The following KCNH8 variants were observed in gnomAD, a reference collection of about 807,000 sequenced individuals.
KCNH8 encodes the protein voltage-gated delayed rectifier potassium channel KCNH8.
KCNH8 carries 70 observed loss-of-function variants against 103.6 expected under a neutral mutation model. The observed-to-expected ratio is 0.68, with a 90% CI of 0.56 to 0.82. The LOEUF (loss-of-function observed/expected upper bound fraction) is 0.82, where lower values mean the gene tolerates loss of function less well. KCNH8 is among the 40% of genes least tolerant of loss of function. The probability of loss-of-function intolerance (pLI) is 0.00; values close to 1 mark genes in which losing one functional copy is unlikely to be tolerated. For synonymous variants in KCNH8, 498 were observed against 489.4 expected (o/e 1.02, Z -0.23); for missense variants, 1,217 against 1,329.9 (o/e 0.92, Z 1.32).
intron 1 of KCNH8, among the ~76,000 whole-genome samples, chr3:19,192,902 A>G (rs956299119): frequency 2.0e-5 from 3 of 151,804 alleles, no homozygotes; most frequent in African/African-American, 7.2e-5. Context: ...AGGTGTATTT[A>G]GAAAAGGTCT....
intron 2 of KCNH8, among the ~76,000 whole-genome samples, chr3:19,270,844 C>A (rs544048177): frequency 2.6e-5 from 4 of 152,050 alleles, no homozygotes; most frequent in Non-Finnish European, 5.9e-5. Context: ...AGATCCTTAA[C>A]CATTTCTTTT....
intron 2 of KCNH8, 66 bp from the exon 3 acceptor site, chr3:19,281,132 T>G: frequency 1.8e-5 from 27 of 1,516,520 alleles, no homozygotes; most frequent in Non-Finnish European, 2.3e-5. Context: ...TATTGATGAT[T>G]GAGATTTCCA....
At chr3:19,269,068 G>T (rs2125264793) in intron 2 of KCNH8, among the ~76,000 whole-genome samples, 1 of 152,058 alleles carries the variant, frequency 6.6e-6, no homozygotes, top group Non-Finnish European at 1.5e-5. Context: ...GAAGGACTAG[G>T]GTGTGGATTT....
At chr3:19,482,062 T>C (rs2068096688) in intron 11 of KCNH8, among the ~76,000 whole-genome samples, 2 of 152,224 alleles carry the variant, frequency 1.3e-5, no homozygotes, top group East Asian at 3.9e-4. Context: ...CTTACAACTC[T>C]AAGGGTGTCC....
At chr3:19,483,059 A>G (rs1210687806) in intron 11 of KCNH8, among the ~76,000 whole-genome samples, 1 of 151,804 alleles carries the variant, frequency 6.6e-6, no homozygotes, top group East Asian at 1.9e-4. Flanking sequence ...ATTTTTTATA[A>G]CTATGCTTCT....
intron 3 of KCNH8, among the ~76,000 whole-genome samples, chr3:19,288,336 G>A (rs868169391): frequency 1.3e-5 from 2 of 150,918 alleles, no homozygotes; most frequent in Non-Finnish European, 1.5e-5. Flanking sequence ...CCATTAACTC[G>A]TCATTTAACA....
intron 11 of KCNH8, among the ~76,000 whole-genome samples, chr3:19,499,050 T>G (rs1054053171): frequency 6.6e-6 from 1 of 152,262 alleles, no homozygotes; most frequent in African/African-American, 2.4e-5. Context: ...GAAAAAAATT[T>G]AGAAGAATGT....
At chr3:19,182,634 T>G (rs572791671) in intron 1 of KCNH8, among the ~76,000 whole-genome samples, 77 of 152,304 alleles carry the variant, frequency 5.1e-4, no homozygotes, top group African/African-American at 1.9e-3. Flanking sequence ...TGGACTAGCC[T>G]CTAGCACAAT....
chr3:19,182,623 A>G (rs1452031206), intron 1 of KCNH8, among the ~76,000 whole-genome samples: 1 of 152,224 alleles, frequency 6.6e-6, no homozygotes, highest in Non-Finnish European at 1.5e-5. Flanking sequence ...GTGAAGAAGC[A>G]TGGACTAGCC....
At chr3:19,215,471 C>G (rs1378639698) in intron 1 of KCNH8, among the ~76,000 whole-genome samples, 2 of 152,186 alleles carry the variant, frequency 1.3e-5, no homozygotes, top group African/African-American at 4.8e-5. Context: ...CAGCTTCTTT[C>G]AACCGATTCT....
intron 2 of KCNH8, among the ~76,000 whole-genome samples, chr3:19,254,721 A>G (rs925657652): frequency 5.3e-5 from 8 of 152,134 alleles, no homozygotes; most frequent in Admixed American, 2.0e-4. Flanking sequence ...TTTTTCTTCA[A>G]TAGCTTTCCT....
intron 15 of KCNH8, among the ~76,000 whole-genome samples, chr3:19,523,802 T>TTTTG (rs2125249669): frequency 6.6e-6 from 1 of 151,988 alleles, no homozygotes; most frequent in South Asian, 2.1e-4. Context: ...ATTAGGAAAA[T>TTTTG]TTTGTTTCTC....
intron 7 of KCNH8, among the ~76,000 whole-genome samples, chr3:19,424,031 T>A (rs2066989999): frequency 6.6e-6 from 1 of 152,070 alleles, no homozygotes; most frequent in Non-Finnish European, 1.5e-5. Context: ...AATGACCATA[T>A]TGCCAAAGGC....
chr3:19,298,558 A>G (rs1163356554), intron 3 of KCNH8, among the ~76,000 whole-genome samples: 1 of 152,234 alleles, frequency 6.6e-6, no homozygotes, highest in Non-Finnish European at 1.5e-5. Context: ...CAGAAAAGAC[A>G]TACTGATACA....
At chr3:19,462,755 T>G (rs1251587010) in intron 11 of KCNH8, among the ~76,000 whole-genome samples, 1 of 152,204 alleles carries the variant, frequency 6.6e-6, no homozygotes, top group African/African-American at 2.4e-5. Flanking sequence ...GGTTTTCTTC[T>G]AGGGGTTTTA....
intron 11 of KCNH8, among the ~76,000 whole-genome samples, chr3:19,465,281 TAAGAAGTATGCTA>T (rs1358499789): frequency 6.6e-6 from 1 of 152,120 alleles, no homozygotes; most frequent in Non-Finnish European, 1.5e-5. Context: ...CTAGGGCCCT[TAAGAAGTATGCTA>T]AATCTTTTCT....
At chr3:19,501,015 T>C (rs1313564365) in intron 11 of KCNH8, among the ~76,000 whole-genome samples, 2 of 151,578 alleles carry the variant, frequency 1.3e-5, no homozygotes, top group African/African-American at 2.4e-5. Context: ...ATCAACAAAA[T>C]TGACAGACCA....
chr3:19,415,051 T>C (rs950108398), intron 7 of KCNH8, among the ~76,000 whole-genome samples: 3 of 152,040 alleles, frequency 2.0e-5, no homozygotes, highest in African/African-American at 7.2e-5. Context: ...GTGCATAAGA[T>C]TTTTAGATAC....
At chr3:19,198,527 T>G (rs931613861) in intron 1 of KCNH8, among the ~76,000 whole-genome samples, 1 of 152,134 alleles carries the variant, frequency 6.6e-6, no homozygotes, top group African/African-American at 2.4e-5. Flanking sequence ...AGAGAATGTG[T>G]GCAGATTTGA....
Sources: allele counts gnomAD v4.1 joint callset (sites outside exome capture counted in the v4.1 genomes callset), GRCh38; gene constraint gnomAD v4.1.1; transcripts MANE v1.5; gene names NCBI Gene and HGNC (gene_info 2026-07-23, HGNC 2026-07-21).